The following ZNF423 variants were observed in gnomAD, a reference collection of about 807,000 sequenced individuals.
ZNF423 encodes the protein Ebf-associated zinc finger protein.
In ZNF423, 12 loss-of-function variants were observed where a neutral mutation model predicts 95.8. The ratio of observed to expected loss-of-function variants is 0.13; its 90% CI spans 0.08 to 0.20. The LOEUF is 0.20. Ranked by LOEUF, ZNF423 falls within the 10% of genes least tolerant of loss-of-function variation. The pLI, the probability that ZNF423 is intolerant of heterozygous loss-of-function variation, is 1.00. For synonymous variants in ZNF423, 749 were observed against 711.9 expected (o/e 1.05, Z -0.83); for missense variants, 1,316 against 1,737.1 (o/e 0.76, Z 4.31).
chr16:49,586,204 G>A (rs1017836502), intron 5 of ZNF423, among the ~76,000 whole-genome samples: 7 of 152,060 alleles, frequency 4.6e-5, no homozygotes, highest in Admixed American at 2.6e-4. Flanking sequence ...ACCTCTTCCC[G>A]CCTGCGTCGC....
intron 1 of ZNF423, among the ~76,000 whole-genome samples, chr16:49,837,463 T>G (rs2035132998): frequency 6.6e-6 from 1 of 152,150 alleles, no homozygotes; most frequent in South Asian, 2.1e-4. Flanking sequence ...TAGGGGTCAT[T>G]TAAGCACAAG....
intron 7 of ZNF423, 43 bp downstream of exon 7, chr16:49,523,581 G>A (rs1057260602): frequency 3.9e-6 from 6 of 1,552,266 alleles, no homozygotes; most frequent in South Asian, 1.1e-5. Flanking sequence ...CGGGGGAACC[G>A]AGGACCATCA....
chr16:49,604,175 G>A (rs2151835026), intron 5 of ZNF423, among the ~76,000 whole-genome samples: 1 of 152,328 alleles, frequency 6.6e-6, no homozygotes, highest in East Asian at 1.9e-4. Flanking sequence ...CGGGCACCCG[G>A]GCCCCTCACC....
chr16:49,662,977 T>A (rs77218371), intron 3 of ZNF423, among the ~76,000 whole-genome samples: 1 of 152,288 alleles, frequency 6.6e-6, no homozygotes, highest in African/African-American at 2.4e-5. Context: ...CAACTCACTG[T>A]ATGATCTGAC....
chr16:49,674,608 G>C (rs2030967293), intron 3 of ZNF423, among the ~76,000 whole-genome samples: 1 of 152,176 alleles, frequency 6.6e-6, no homozygotes, highest in South Asian at 2.1e-4. Flanking sequence ...TGTACTTCAG[G>C]GAAAATAATC....
At chr16:49,672,388 C>G (rs1242657806) in intron 3 of ZNF423, among the ~76,000 whole-genome samples, 1 of 152,096 alleles carries the variant, frequency 6.6e-6, no homozygotes, top group Non-Finnish European at 1.5e-5. Context: ...AAGTGAGGCA[C>G]AAAGAAGTTA....
At chr16:49,639,182 G>A (rs745912325) in intron 3 of ZNF423, among the ~76,000 whole-genome samples, 1 of 152,222 alleles carries the variant, frequency 6.6e-6, no homozygotes, top group Non-Finnish European at 1.5e-5. Flanking sequence ...TCCTGATAGG[G>A]AAAGGAGGGG....
In ZNF423 at chr16:49,758,181, G is replaced by A. The variant is rs922819495; in HGVS notation, c.101-27210C>T. On this transcript the variant is annotated intron_variant, in intron 2 of 7. Coordinates refer to ENST00000563137, the MANE Select transcript of ZNF423 (RefSeq NM_001379286.1). ...TGAGACAGGGTCTCGCTCTGTCACCGAGGCTGGAGTGCAGTGGCATGATCT... is the reference window on the plus strand; with the variant it reads ...TGAGACAGGGTCTCGCTCTGTCACCAAGGCTGGAGTGCAGTGGCATGATCT... 3.9e-5 allele frequency among the ~76,000 whole-genome samples: 6 copies of A among 152,118 alleles called. No individual in the cohort carries two copies. In the South Asian group the frequency reaches 6.2e-4, roughly 16 times the overall value.
chr16:49,593,538 G>A (rs1430848560), intron 5 of ZNF423, among the ~76,000 whole-genome samples: 1 of 152,170 alleles, frequency 6.6e-6, no homozygotes, highest in Non-Finnish European at 1.5e-5. Context: ...CTGGCGGACA[G>A]GGTTTGCAGA....
chr16:49,546,864 A>G (rs181898940), intron 5 of ZNF423, among the ~76,000 whole-genome samples: 1 of 152,286 alleles, frequency 6.6e-6, no homozygotes, highest in Non-Finnish European at 1.5e-5. Flanking sequence ...AGAGAGAAGA[A>G]AGAGCATAAC....
chr16:49,820,881 G>C (rs1296776360), intron 1 of ZNF423, among the ~76,000 whole-genome samples: 1 of 152,172 alleles, frequency 6.6e-6, no homozygotes, highest in East Asian at 1.9e-4. Context: ...CCCCACAATT[G>C]GGCTTTTGGC....
intron 1 of ZNF423, among the ~76,000 whole-genome samples, chr16:49,802,368 AG>A (rs1445314554): frequency 6.6e-6 from 1 of 152,170 alleles, no homozygotes; most frequent in Non-Finnish European, 1.5e-5. Context: ...TAAGCACTCA[AG>A]GTCCTTGGGG....
chr16:49,731,643 T>A (rs1400562613), intron 2 of ZNF423, among the ~76,000 whole-genome samples: 1 of 149,658 alleles, frequency 6.7e-6, no homozygotes, highest in Non-Finnish European at 1.5e-5. Context: ...CAAGACTCTA[T>A]CTCTACAAAA....
chr16:49,797,503 A>G (rs371159468), intron 1 of ZNF423, among the ~76,000 whole-genome samples: 10 of 152,290 alleles, frequency 6.6e-5, no homozygotes, highest in South Asian at 2.1e-4. Context: ...GACAAACCCA[A>G]CGAGGAAGCC....
chr16:49,683,527 C>T (rs2031448244), intron 3 of ZNF423, among the ~76,000 whole-genome samples: 1 of 152,148 alleles, frequency 6.6e-6, no homozygotes, highest in Admixed American at 6.5e-5. Flanking sequence ...AGTGGTAACC[C>T]AGGGCTAGAA....
rs1377942214 is a variant in ZNF423, at chr16:49,492,891, A to T, written c.3850-1587T>A. Among the ~76,000 whole-genome samples the T allele has an allele frequency of 6.6e-6, 1 of 152,110 alleles. No homozygotes were observed. Among genetic ancestry groups the T allele is most frequent in the Non-Finnish European group, 1.5e-5 (1 of 68,002 alleles). On this transcript the variant is annotated intron_variant, in intron 7 of 7. Coordinates refer to ENST00000563137, the MANE Select transcript of ZNF423 (RefSeq NM_001379286.1). This position sits in a 1 kb window ranked among gnomAD's most constrained non-coding sequence, Gnocchi z 4.2. ...GCACTGAACCAGATGGCTGGAATCCACTAGAGCAAGGGGATTTTCAGGGGA... is the reference window on the plus strand; with the variant it reads ...GCACTGAACCAGATGGCTGGAATCCTCTAGAGCAAGGGGATTTTCAGGGGA...
At chr16:49,856,547 G>A (rs899373535), upstream of ZNF423, among the ~76,000 whole-genome samples, 4 of 151,562 alleles carry the variant, frequency 2.6e-5, no homozygotes, top group Non-Finnish European at 4.4e-5. Context: ...GGGGGGCGGG[G>A]GTCCCTCAAC....
intron 1 of ZNF423, among the ~76,000 whole-genome samples, chr16:49,806,140 T>C (rs1429438324): frequency 6.6e-6 from 1 of 152,282 alleles, no homozygotes; most frequent in African/African-American, 2.4e-5. Flanking sequence ...GTCTGGCTCC[T>C]GCATCCTGTT....
chr16:49,505,910 C>T (rs1025181912), intron 7 of ZNF423, among the ~76,000 whole-genome samples: 2 of 152,202 alleles, frequency 1.3e-5, no homozygotes, highest in Non-Finnish European at 1.5e-5. Flanking sequence ...CAGATACCTG[C>T]CCCACAATGA....
Sources: gnomAD v4.1 joint callset for allele counts (sites outside exome capture counted in the v4.1 genomes callset) on GRCh38, gnomAD v4.1.1 for gene constraint, Gnocchi (gnomAD v3.1) non-coding constraint, MANE v1.5 for transcripts, NCBI Gene and HGNC (gene_info 2026-07-23, HGNC 2026-07-21) for gene names.